RBP3: variants seen among roughly 807,000 people sequenced by gnomAD.
RBP3 encodes retinol-binding protein 3.
In RBP3, 50 loss-of-function variants were observed where a neutral mutation model predicts 64.8. The ratio of observed to expected loss-of-function variants is 0.77; its 90% confidence interval spans 0.61 to 0.98. RBP3 has a LOEUF of 0.98. RBP3 is among the 50% of genes least tolerant of loss of function. The pLI is 0.00. For missense variants in RBP3, 1,712 were observed against 1,660.5 expected, an observed-to-expected ratio of 1.03 and a Z score of -0.54; for synonymous variants, 828 against 730.2, an observed-to-expected ratio of 1.13 and a Z score of -2.16.
chr10:47,353,257 G>T (rs560883584), intron 1 of RBP3, 68 bp from the exon 2 acceptor site: 1 of 1,445,738 alleles, frequency 6.9e-7, no homozygotes, highest in South Asian at 1.1e-5. Flanking sequence ...TTCCCATGGC[G>T]CCTGCTTTCC....
Position 47,348,766 on chromosome 10 carries a change from C to G in RBP3, c.282C>G (p.Ser94Arg). 1 of 1,613,616 alleles carries G rather than the reference C, an allele frequency of 6.2e-7. No individual in the cohort carries two copies. Among genetic ancestry groups the G allele is most frequent in the Middle Eastern group, 1.6e-4 (1 of 6,062 alleles). The part of the protein sequence containing the change: ...DPRLVISYEP[S>R]TPEPPPQVPA... ...GCCTGGTCATCTCCTATGAGCCCAG[C>G]ACCCCCGAGCCTCCCCCACAAGTCC... The change falls in exon 1 of 4, where the codon AGC (serine) becomes AGG (arginine). Residue 94 changes from serine (S) to arginine (R), a missense_variant. Coordinates refer to ENST00000584701, the MANE Select transcript of RBP3 (RefSeq NM_002900.3).
chr10:47,349,660 C>G lies in RBP3; in HGVS notation c.1176C>G (p.Pro392=). The G allele has an allele frequency of 6.2e-7, 1 of 1,612,196 alleles. No individual in the cohort carries two copies. The highest frequency in any genetic ancestry group is 8.5e-7 in the Non-Finnish European group (1 of 1,180,020). ...DPRLLVRAIG[P]TETPSWPAPD... The stretch of plus-strand genomic sequence containing the variant: ...GGCTCCTGGTGCGAGCCATCGGGCC[C>G]ACAGAAACTCCTTCTTGGCCCGCGC... Residue 392 remains proline, a synonymous_variant, in exon 1 of 4, where the codon CCC becomes CCG. Coordinates refer to ENST00000584701, the MANE Select transcript of RBP3 (RefSeq NM_002900.3).
rs749790962 is a variant in RBP3 at position 47,349,002 on chromosome 10, C to T, written c.518C>T (p.Thr173Ile). The change falls in exon 1 of 4, where the codon ACA becomes ATA. Residue 173 changes from threonine to isoleucine, a missense_variant. Coordinates refer to ENST00000584701, the MANE Select transcript of RBP3 (RefSeq NM_002900.3). ...TTAGTGCTGGATCTCCGGCACTGCACAGGAGGCCAGGTCTCTGGCATTCCC... is the reference window on the plus strand; with the variant it reads ...TTAGTGCTGGATCTCCGGCACTGCATAGGAGGCCAGGTCTCTGGCATTCCC... ...SALVLDLRHC[T>I]GGQVSGIPYI... 1 of 1,614,052 alleles carries T rather than the reference C, an allele frequency of 6.2e-7. No individual in the cohort carries two copies. The highest frequency in any genetic ancestry group is 8.5e-7 in the Non-Finnish European group (1 of 1,180,024).
Position 47,351,370 on chromosome 10 carries a change from C to A in RBP3, c.2886C>A (p.Ala962=), listed in dbSNP as rs2132255825. The change falls in exon 1 of 4, where the codon GCC becomes GCA. Residue 962 remains alanine (A), a synonymous_variant. Coordinates refer to ENST00000584701, the MANE Select transcript of RBP3 (RefSeq NM_002900.3). Reference sequence around the variant, plus strand: ...CTGCCGAGCTGGGGGCCAAGATGGCCACCAAACTGAGCGGTCTGCAGAGCC... The same window carrying A: ...CTGCCGAGCTGGGGGCCAAGATGGCAACCAAACTGAGCGGTCTGCAGAGCC... ...YASAELGAKM[A]TKLSGLQSRY... The A allele has an allele frequency of 6.2e-7, 1 of 1,613,560 alleles. No individual in the cohort carries two copies. Among genetic ancestry groups the A allele is most frequent in the Non-Finnish European group, 8.5e-7 (1 of 1,180,020 alleles).
chr10:47,348,652 C>G lies in RBP3; in HGVS notation c.168C>G (p.Ile56Met). 1.2e-6 allele frequency: 2 copies of G among 1,613,574 alleles called. No homozygotes were observed. The highest frequency in any genetic ancestry group is 8.5e-7 in the Non-Finnish European group (1 of 1,180,020). ...LGMQEAIQQA[I>M]KSHEILSISD... Reference sequence around the variant, plus strand: ...TGCAGGAAGCCATCCAGCAGGCCATCAAGAGCCATGAGATTCTGAGCATCT... The same window carrying G: ...TGCAGGAAGCCATCCAGCAGGCCATGAAGAGCCATGAGATTCTGAGCATCT... The change falls in exon 1 of 4, where the codon ATC becomes ATG. Residue 56 changes from isoleucine to methionine, a missense_variant. By Grantham distance (10) the Ile-to-Met change is conservative. Coordinates refer to ENST00000584701, the MANE Select transcript of RBP3 (RefSeq NM_002900.3).
At chr10:47,354,139 CCT>C (rs1241155646) in intron 2 of RBP3, among the ~76,000 whole-genome samples, 4 of 152,220 alleles carry the variant, frequency 2.6e-5, no homozygotes, top group African/African-American at 9.7e-5. Context: ...AGCCACCTCC[CCT>C]CTGTTTCTGT....
chr10:47,355,455 G>A lies in RBP3; in HGVS notation c.3325G>A (p.Asp1109Asn). 2 of 1,614,154 alleles carry A rather than the reference G, an allele frequency of 1.2e-6. No individual in the cohort carries two copies. Among genetic ancestry groups the A allele is most frequent in the South Asian group, 2.2e-5 (2 of 91,082 alleles). The change falls in exon 3 of 4, where the codon GAC becomes AAC. Residue 1109 changes from aspartate to asparagine, a missense_variant. Coordinates refer to ENST00000584701, the MANE Select transcript of RBP3 (RefSeq NM_002900.3). ...FFDEGPPVLLDKIYSRPDDSV... is the reference protein window; with the variant it reads ...FFDEGPPVLLNKIYSRPDDSV... ...TGATGAAGGCCCTCCAGTTCTGCTG[G>A]ACAAGATCTACAGCCGGCCTGATGA...
At position 47,349,369 on chromosome 10, in the gene RBP3, G is replaced by A. The variant is rs782470605; in HGVS notation, c.885G>A (p.Thr295=). Residue 295 remains threonine (T), a synonymous_variant, in exon 1 of 4, where the codon ACG becomes ACA. Coordinates refer to ENST00000584701, the MANE Select transcript of RBP3 (RefSeq NM_002900.3). ...SLGPLGGGSQ[T]WEGSGVLPCV... is the part of the protein sequence containing the mutation. ...GGCCCCTTGGTGGAGGCAGCCAGACGTGGGAGGGCAGCGGGGTGCTGCCCT... is the reference window on the plus strand; with the variant it reads ...GGCCCCTTGGTGGAGGCAGCCAGACATGGGAGGGCAGCGGGGTGCTGCCCT... 38 of 1,612,268 alleles carry A rather than the reference G, an allele frequency of 2.4e-5. No individual in the cohort carries two copies. The highest frequency in any genetic ancestry group is 2.3e-4 in the South Asian group (21 of 91,078).
At chr10:47,354,019 G>A (rs1837016150) in intron 2 of RBP3, among the ~76,000 whole-genome samples, 1 of 152,184 alleles carries the variant, frequency 6.6e-6, no homozygotes, top group Admixed American at 6.5e-5. Context: ...CATATGAATC[G>A]TACAGGCAGA....
rs142945423 is a variant in RBP3 at position 47,350,981 on chromosome 10, C to T, written c.2497C>T (p.Arg833Cys). The T allele has an allele frequency of 1.6e-4, 252 of 1,611,664 alleles. No homozygotes were observed. The highest frequency in any genetic ancestry group is 9.2e-4 in the Admixed American group (55 of 59,982). ...VWTLPQVAGQ[R>C]YGSHKDLYIL... is the part of the protein sequence containing the mutation. Reference sequence around the variant, plus strand: ...GACCTTGCCCCAGGTCGCCGGCCAGCGCTACGGCTCACACAAGGACCTCTA... The same window carrying T: ...GACCTTGCCCCAGGTCGCCGGCCAGTGCTACGGCTCACACAAGGACCTCTA... Residue 833 changes from arginine to cysteine, a missense_variant, in exon 1 of 4, where the codon CGC becomes TGC. Physicochemically the swap from Arg to Cys is radical, Grantham distance 180 (BLOSUM62 -3). Transcript: ENST00000584701.
At chr10:47,354,960 A>G (rs1320597137) in intron 2 of RBP3, among the ~76,000 whole-genome samples, 5 of 152,370 alleles carry the variant, frequency 3.3e-5, no homozygotes, top group South Asian at 2.1e-4. Flanking sequence ...GGTAGGTGTC[A>G]TAAGATTGTC....
Position 47,349,109 on chromosome 10 carries a change from G to T in RBP3, c.625G>T (p.Glu209Ter). The T allele has an allele frequency of 6.2e-7, 1 of 1,614,054 alleles. No homozygotes were observed. Among genetic ancestry groups the T allele is most frequent in the Non-Finnish European group, 8.5e-7 (1 of 1,180,032 alleles). Residue 209 changes from glutamate (E) to a stop codon, truncating the protein, a stop_gained, in exon 1 of 4, where the codon GAG (glutamate) becomes TAG (stop). Transcript: ENST00000584701. LOFTEE classifies it high-confidence loss of function. ...IYNRPSNTTT[E>*]IWTLPQVLGE... ...CAACCGCCCCTCCAACACCACCACG[G>T]AGATCTGGACCTTGCCCCAGGTCCT...
intron 3 of RBP3, among the ~76,000 whole-genome samples, chr10:47,355,913 G>C (rs1168203068): frequency 6.6e-6 from 1 of 152,152 alleles, no homozygotes. Flanking sequence ...AGTGCTCACA[G>C]TACTTGAGCT....
At position 47,348,754 on chromosome 10, in the gene RBP3, C is replaced by T; in HGVS notation, c.270C>T (p.Ser90=). The change falls in exon 1 of 4, where the codon TCC becomes TCT. Residue 90 remains serine, a synonymous_variant. Coordinates refer to ENST00000584701, the MANE Select transcript of RBP3 (RefSeq NM_002900.3). ...SSLNDPRLVI[S]YEPSTPEPPP... The stretch of plus-strand genomic sequence containing the variant: ...TGAACGATCCTCGCCTGGTCATCTC[C>T]TATGAGCCCAGCACCCCCGAGCCTC... 6.2e-7 allele frequency: 1 copy of T among 1,613,650 alleles called. No individual in the cohort carries two copies. Among genetic ancestry groups the T allele is most frequent in the Non-Finnish European group, 8.5e-7 (1 of 1,180,026 alleles).
rs1333542652 is a variant in RBP3 at position 47,350,445 on chromosome 10, C to A, written c.1961C>A (p.Pro654Gln). The A allele has an allele frequency of 6.2e-7, 1 of 1,612,178 alleles. No individual in the cohort carries two copies. The highest frequency in any genetic ancestry group is 1.3e-5 in the African/African-American group (1 of 74,932). ...CTGCTGGAGGCCCACTATGCTCGGC[C>A]AGAGGTCGTGGGGCAGACCAGTGCC... ...GHLLEAHYAR[P>Q]EVVGQTSALL... Residue 654 changes from proline (P) to glutamine (Q), a missense_variant, in exon 1 of 4, where the codon CCA (proline) becomes CAA (glutamine). Transcript: ENST00000584701.
chr10:47,349,256 C>T lies in RBP3; in HGVS notation c.772C>T (p.Arg258Trp), dbSNP rs563042955. 100 of 1,613,118 alleles carry T rather than the reference C, an allele frequency of 6.2e-5. No homozygotes were observed. Among genetic ancestry groups the T allele is most frequent in the Admixed American group, 1.2e-4 (7 of 60,022 alleles). ...QMRRAIVVGE[R>W]TGGGALDLRK... is the part of the protein sequence containing the mutation. ...GCGCAGGGCCATCGTGGTGGGCGAG[C>T]GGACTGGGGGAGGGGCCCTGGACCT... Residue 258 changes from arginine (R) to tryptophan (W), a missense_variant, in exon 1 of 4, where the codon CGG (arginine) becomes TGG (tryptophan). Coordinates refer to ENST00000584701, the MANE Select transcript of RBP3 (RefSeq NM_002900.3).
rs782798406 is a variant in RBP3 at position 47,349,684 on chromosome 10, G to A, written c.1200G>A (p.Ala400=). 7 of 1,611,526 alleles carry A rather than the reference G, an allele frequency of 4.3e-6. No individual in the cohort carries two copies. The highest frequency in any genetic ancestry group is 2.2e-5 in the East Asian group (1 of 44,862). ...CCACAGAAACTCCTTCTTGGCCCGC[G>A]CCCGACGCTGCAGCCGAAGACTCAC... ...IGPTETPSWP[A]PDAAAEDSPG... The change falls in exon 1 of 4, where the codon GCG becomes GCA. Residue 400 remains alanine, a synonymous_variant. Coordinates refer to ENST00000584701, the MANE Select transcript of RBP3 (RefSeq NM_002900.3).
In RBP3 at chr10:47,352,142, G is replaced by A. The variant is rs536865340; in HGVS notation, c.3054+604G>A. ...CTGAGACCAGGGCTTGGGTGCAGGC[G>A]CTTTGTCTGGGAGGCGGTTACTGAA... On this transcript the variant is annotated intron_variant, in intron 1 of 3. Transcript: ENST00000584701. Among the ~76,000 whole-genome samples the A allele has an allele frequency of 2.6e-5, 4 of 152,350 alleles. No individual in the cohort carries two copies. In the East Asian group the frequency reaches 5.8e-4, roughly 22 times the overall value.
chr10:47,350,525 T>C lies in RBP3; in HGVS notation c.2041T>C (p.Ser681Pro). The change falls in exon 1 of 4, where the codon TCT becomes CCT. Residue 681 changes from serine (S) to proline (P), a missense_variant. Transcript: ENST00000584701. ...CTACCGCACAGCTGTGGACTTGGAG[T>C]CTCTGGCCTCTCAGCTCACAGCAGA... ...GAYRTAVDLE[S>P]LASQLTADLQ... 6.2e-7 allele frequency: 1 copy of C among 1,612,648 alleles called. No individual in the cohort carries two copies. The highest frequency in any genetic ancestry group is 8.5e-7 in the Non-Finnish European group (1 of 1,179,952).
Sources: allele counts gnomAD v4.1 joint callset (sites outside exome capture counted in the v4.1 genomes callset), GRCh38; gene constraint gnomAD v4.1.1; transcripts MANE v1.5; gene names NCBI Gene and HGNC (gene_info 2026-07-23, HGNC 2026-07-21).